The following ESRRG variants were observed in gnomAD, a reference collection of about 807,000 sequenced individuals.
The protein encoded by ESRRG is estrogen-related receptor gamma.
A neutral mutation model predicts 44.0 loss-of-function variants in ESRRG; 13 were observed. The ratio of observed to expected loss-of-function variants is 0.30; its 90% CI spans 0.19 to 0.47. The LOEUF (loss-of-function observed/expected upper bound fraction) is 0.47, where lower values mean the gene tolerates loss of function less well. Among genes scored for constraint, ESRRG ranks in the 20% least tolerant of loss-of-function variants. The pLI is 1.00. For missense variants in ESRRG, 395 were observed against 580.6 expected (o/e 0.68, Z 3.29); for synonymous variants, 215 against 214.6 (o/e 1.00, Z -0.02).
At position 216,507,187 on chromosome 1, in the gene ESRRG, T is replaced by G; in HGVS notation, c.1133-4A>C. The G allele has an allele frequency of 6.3e-7, 1 of 1,585,138 alleles. No homozygotes were observed. Among genetic ancestry groups the G allele is most frequent in the East Asian group, 2.2e-5 (1 of 44,536 alleles). On this transcript the variant is annotated splice_polypyrimidine_tract_variant and splice_region_variant and intron_variant, in intron 6 of 6. Coordinates refer to ENST00000408911, the MANE Select transcript of ESRRG (RefSeq NM_001438.4). ...ACATCTTCTATGTGCATGGAGTCTGTGCAATGAAGCAAAAGATATGAGTAA... is the reference window on the plus strand; with the variant it reads ...ACATCTTCTATGTGCATGGAGTCTGGGCAATGAAGCAAAAGATATGAGTAA...
At chr1:217,054,470 G>T (rs1389021707) in intron 1 of ESRRG, among the ~76,000 whole-genome samples, 1 of 152,092 alleles carries the variant, frequency 6.6e-6, no homozygotes, top group Non-Finnish European at 1.5e-5. Flanking sequence ...CTCAATTTGA[G>T]GGTCGACTCA....
At chr1:216,539,697 G>A (rs528132006) in intron 5 of ESRRG, among the ~76,000 whole-genome samples, 16 of 152,018 alleles carry the variant, frequency 1.1e-4, no homozygotes, top group African/African-American at 3.6e-4. Flanking sequence ...CACATACTAG[G>A]TGCTCTATAA....
At position 216,677,444 on chromosome 1, in the gene ESRRG, C is replaced by G. The variant is rs1425611774; in HGVS notation, c.104G>C (p.Cys35Ser). 1.2e-6 allele frequency: 2 copies of G among 1,613,696 alleles called. No homozygotes were observed. Among genetic ancestry groups the G allele is most frequent in the East Asian group, 4.5e-5 (2 of 44,858 alleles). The change falls in exon 2 of 7, where the codon TGT (cysteine) becomes TCT (serine). Residue 35 changes from cysteine (C) to serine (S), a missense_variant. Cys to Ser is a moderately radical substitution (Grantham distance 112). Coordinates refer to ENST00000408911, the MANE Select transcript of ESRRG (RefSeq NM_001438.4). ...SNKDRHIDSS[C>S]SSFIKTEPSS... ...AGGTTCCGTCTTGATGAAGGACGAA[C>G]AGCTGGAATCAATGTGTCGATCTTT... is the stretch of plus-strand genomic sequence containing the variant.
At chr1:216,622,146 T>C (rs1270946625) in intron 3 of ESRRG, among the ~76,000 whole-genome samples, 1 of 152,226 alleles carries the variant, frequency 6.6e-6, no homozygotes, top group Non-Finnish European at 1.5e-5. Context: ...AACTTGACTC[T>C]AGCCAAAATG....
intron 3 of ESRRG, among the ~76,000 whole-genome samples, chr1:216,582,687 G>A (rs1423942176): frequency 1.3e-5 from 2 of 152,156 alleles, no homozygotes; most frequent in Non-Finnish European, 2.9e-5. Context: ...AGCACAAGTG[G>A]TGAGCTCCAT....
intron 2 of ESRRG, among the ~76,000 whole-genome samples, chr1:216,783,399 G>C (rs1415780186): frequency 6.6e-6 from 1 of 151,940 alleles, no homozygotes; most frequent in Non-Finnish European, 1.5e-5. Context: ...AGTATAATCT[G>C]CCTTATAACA....
chr1:216,900,161 G>A (rs984768598), intron 2 of ESRRG, among the ~76,000 whole-genome samples: 1 of 152,038 alleles, frequency 6.6e-6, no homozygotes, highest in Non-Finnish European at 1.5e-5. Flanking sequence ...AAACAATAAG[G>A]CATGGATATC....
chr1:216,914,019 G>A (rs1405454523), intron 2 of ESRRG, among the ~76,000 whole-genome samples: 1 of 152,106 alleles, frequency 6.6e-6, no homozygotes, highest in Non-Finnish European at 1.5e-5. Flanking sequence ...AACATGGAAA[G>A]TACCGGAAAA....
chr1:216,876,976 ATG>A (rs61039286), intron 2 of ESRRG, among the ~76,000 whole-genome samples: 40,549 of 145,254 alleles, frequency 0.28, 5,418 homozygotes, highest in Admixed American at 0.33. Flanking sequence ...CTCTTCACTA[ATG>A]TGTGTGTGTG....
At chr1:216,632,245 C>T (rs2064351927) in intron 3 of ESRRG, among the ~76,000 whole-genome samples, 2 of 152,138 alleles carry the variant, frequency 1.3e-5, no homozygotes, top group Admixed American at 1.3e-4. Flanking sequence ...GGCTCACTGA[C>T]TTAAGTCTCA....
chr1:216,902,000 T>A (rs183183157), intron 2 of ESRRG, among the ~76,000 whole-genome samples: 1 of 152,298 alleles, frequency 6.6e-6, no homozygotes, highest in Non-Finnish European at 1.5e-5. Context: ...TGGCCTCAGG[T>A]GATCTACCTG....
At chr1:216,540,967 A>G (rs1239184035) in intron 5 of ESRRG, among the ~76,000 whole-genome samples, 1 of 152,030 alleles carries the variant, frequency 6.6e-6, no homozygotes, top group Non-Finnish European at 1.5e-5. Flanking sequence ...GGAAGATGAC[A>G]TTTACTAATG....
At chr1:216,604,847 C>A (rs1389226006) in intron 3 of ESRRG, among the ~76,000 whole-genome samples, 1 of 152,158 alleles carries the variant, frequency 6.6e-6, no homozygotes, top group African/African-American at 2.4e-5. Context: ...TAACTTAAAA[C>A]CACAAAGTAT....
At chr1:216,522,306 G>C (rs568531916) in intron 5 of ESRRG, among the ~76,000 whole-genome samples, 2 of 126,798 alleles carry the variant, frequency 1.6e-5, no homozygotes, top group Non-Finnish European at 3.1e-5. Flanking sequence ...ATGAGGAGAC[G>C]GATATAGCAC....
At chr1:216,797,310 C>A (rs2094496971) in intron 2 of ESRRG, among the ~76,000 whole-genome samples, 1 of 152,064 alleles carries the variant, frequency 6.6e-6, no homozygotes, top group African/African-American at 2.4e-5. Context: ...TTTACCTATT[C>A]TTCTTCTGTT....
At chr1:216,753,754 C>T (rs2092257827) in intron 2 of ESRRG, among the ~76,000 whole-genome samples, 1 of 152,016 alleles carries the variant, frequency 6.6e-6, no homozygotes, top group African/African-American at 2.4e-5. Flanking sequence ...AGCCAGGACC[C>T]TTTGGAAGTA....
At chr1:217,096,404 C>T (rs548024481) in intron 1 of ESRRG, among the ~76,000 whole-genome samples, 3 of 152,200 alleles carry the variant, frequency 2.0e-5, no homozygotes, top group Non-Finnish European at 4.4e-5. Flanking sequence ...GGAAACTCAG[C>T]GTCATGGAAA....
At chr1:216,760,070 G>A (rs1233257449) in intron 2 of ESRRG, among the ~76,000 whole-genome samples, 1 of 151,996 alleles carries the variant, frequency 6.6e-6, no homozygotes, top group Non-Finnish European at 1.5e-5. Flanking sequence ...CCCACATCCT[G>A]TGCATGTCTT....
At chr1:216,825,536 G>A (rs1426004562) in intron 2 of ESRRG, among the ~76,000 whole-genome samples, 3 of 152,166 alleles carry the variant, frequency 2.0e-5, no homozygotes, top group Admixed American at 2.0e-4. Flanking sequence ...GGCACAGCCA[G>A]AAAATCTGAG....
Sources: allele counts gnomAD v4.1 joint callset (sites outside exome capture counted in the v4.1 genomes callset), GRCh38; gene constraint gnomAD v4.1.1; transcripts MANE v1.5; gene names NCBI Gene and HGNC (gene_info 2026-07-23, HGNC 2026-07-21).